Variants in PTPRE observed in about 807,000 individuals in gnomAD.
The protein encoded by PTPRE is protein tyrosine phosphatase receptor type E.
A neutral mutation model predicts 102.0 loss-of-function variants in PTPRE; 51 were observed. The ratio of observed to expected loss-of-function variants is 0.50; its 90% CI spans 0.40 to 0.63. The LOEUF is 0.63. Ranked by LOEUF, PTPRE falls within the 30% of genes least tolerant of loss-of-function variation. PTPRE has a pLI of 0.00. For synonymous variants in PTPRE, 345 were observed against 348.2 expected, an observed-to-expected ratio of 0.99 and a Z score of 0.10; for missense variants, 752 against 915.1, an observed-to-expected ratio of 0.82 and a Z score of 2.30.
chr10:128,070,550 C>A lies in PTPRE; in HGVS notation c.1293+100C>A. The A allele has an allele frequency of 1.4e-6, 2 of 1,420,578 alleles. No individual in the cohort carries two copies. Among genetic ancestry groups the A allele is most frequent in the South Asian group, 2.8e-5 (2 of 71,374 alleles). 88.0% of individuals were successfully genotyped at this position (1,420,578 alleles called of 1,614,324 possible). A position where few individuals can be genotyped will look rare whatever the true frequency, so the allele number is the denominator to read the frequency against. On this transcript the variant is annotated intron_variant, in intron 14 of 20. Coordinates refer to ENST00000254667, the MANE Select transcript of PTPRE (RefSeq NM_006504.6). The surrounding 1 kb of genome is among the most constrained non-coding windows in gnomAD (Gnocchi z 4.8). Reference sequence around the variant, plus strand: ...AGGAAGCCTCTTTCAATCACTTGCCCCTTAACTGACCTCAGAAAAAGCAGG... The same window carrying A: ...AGGAAGCCTCTTTCAATCACTTGCCACTTAACTGACCTCAGAAAAAGCAGG...
At chr10:127,958,262 G>A (rs1430916476) in intron 1 of PTPRE, among the ~76,000 whole-genome samples, 3 of 152,130 alleles carry the variant, frequency 2.0e-5, no homozygotes, top group African/African-American at 7.2e-5. Context: ...GGACATCCTT[G>A]CCTCGTTCCT....
intron 1 of PTPRE, among the ~76,000 whole-genome samples, chr10:127,971,805 G>A (rs1050190168): frequency 1.2e-4 from 19 of 152,202 alleles, no homozygotes; most frequent in Admixed American, 1.0e-3. Context: ...CCCTCAGGCC[G>A]GTCAGATGTT....
At chr10:127,945,823 A>T (rs569519278) in intron 1 of PTPRE, among the ~76,000 whole-genome samples, 17 of 152,234 alleles carry the variant, frequency 1.1e-4, no homozygotes, top group African/African-American at 4.1e-4. Flanking sequence ...TCTCTGTTTT[A>T]TCCTTCATCG....
At chr10:128,014,439 G>A (rs1031960292) in intron 2 of PTPRE, among the ~76,000 whole-genome samples, 5 of 152,074 alleles carry the variant, frequency 3.3e-5, no homozygotes, top group Admixed American at 6.6e-5. Context: ...GGCGTGTATC[G>A]AGGGGGACAT....
At chr10:127,979,728 T>C (rs1851460059) in intron 1 of PTPRE, among the ~76,000 whole-genome samples, 2 of 152,194 alleles carry the variant, frequency 1.3e-5, no homozygotes. Context: ...TTGTGTTTGA[T>C]TGGGGTTGTC....
chr10:128,018,697 C>T (rs1036280089), intron 2 of PTPRE, among the ~76,000 whole-genome samples: 4 of 152,114 alleles, frequency 2.6e-5, no homozygotes, highest in East Asian at 1.9e-4. Flanking sequence ...AAGCTGCTCC[C>T]GGCCAGTTCT....
intron 2 of PTPRE, among the ~76,000 whole-genome samples, chr10:127,996,225 C>T (rs545991324): frequency 6.6e-6 from 1 of 152,352 alleles, no homozygotes; most frequent in African/African-American, 2.4e-5. Flanking sequence ...CAACACGTAA[C>T]TTTACCTATG....
intron 1 of PTPRE, among the ~76,000 whole-genome samples, chr10:127,963,330 CTCCCTACAGGATGCCT>C (rs1215070375): frequency 6.6e-6 from 1 of 152,198 alleles, no homozygotes; most frequent in East Asian, 1.9e-4. Context: ...GCCAAGGCCA[CTCCCTACAGGATGCCT>C]TCCCTGACTG....
At chr10:127,969,653 C>T (rs560888846) in intron 1 of PTPRE, among the ~76,000 whole-genome samples, 15 of 131,178 alleles carry the variant, frequency 1.1e-4, no homozygotes, top group Admixed American at 5.6e-4. Context: ...GGCAACAGAG[C>T]GATACTCTGC....
intron 3 of PTPRE, among the ~76,000 whole-genome samples, chr10:128,046,624 G>A (rs570840434): frequency 2.6e-5 from 4 of 152,280 alleles, no homozygotes; most frequent in Admixed American, 2.0e-4. Flanking sequence ...AGGGGGCTGT[G>A]TGGCCAGCGG....
intron 1 of PTPRE, among the ~76,000 whole-genome samples, chr10:127,923,789 T>A (rs1011401602): frequency 1.3e-5 from 2 of 152,170 alleles, no homozygotes; most frequent in Admixed American, 1.3e-4. Context: ...CCACATGCAG[T>A]TTACTTCCGG....
chr10:128,033,194 A>G (rs4326706), intron 2 of PTPRE, among the ~76,000 whole-genome samples: 86,535 of 152,036 alleles, frequency 0.57, 24,735 homozygotes, highest in East Asian at 0.62. Flanking sequence ...CTAACAAAGC[A>G]TGACTTTTCA....
intron 2 of PTPRE, among the ~76,000 whole-genome samples, chr10:128,027,879 G>T (rs567753456): frequency 6.6e-6 from 1 of 152,208 alleles, no homozygotes; most frequent in African/African-American, 2.4e-5. Flanking sequence ...GCTGAAAGAG[G>T]GCAGGTGACA....
chr10:127,962,133 G>T (rs1392788458), intron 1 of PTPRE, among the ~76,000 whole-genome samples: 1 of 152,160 alleles, frequency 6.6e-6, no homozygotes, highest in Non-Finnish European at 1.5e-5. Flanking sequence ...CTTTGCCAGG[G>T]CCCAGAGGTT....
At chr10:128,001,818 C>T (rs1483671145) in intron 2 of PTPRE, among the ~76,000 whole-genome samples, 3 of 152,186 alleles carry the variant, frequency 2.0e-5, no homozygotes, top group Admixed American at 6.5e-5. Context: ...GCTGGGCAAA[C>T]GTAAGAAAGC....
rs1850648918 is a variant in PTPRE, at chr10:128,070,237, G to T, written c.1144-64G>T. The T allele has an allele frequency of 2.0e-6, 3 of 1,518,896 alleles. No homozygotes were observed. The allele number at this position is 1,518,896 out of a possible 1,614,324, so 94.1% of individuals were successfully genotyped here. ...AAAGCCGCCCTCTTTGGTCTGCCAA[G>T]CTCCACGTGGGCCAAGACTGCAGGG... On this transcript the variant is annotated intron_variant, in intron 13 of 20. Transcript: ENST00000254667. This position sits in a 1 kb window ranked among gnomAD's most constrained non-coding sequence, Gnocchi z 4.8.
At chr10:127,926,122 G>A (rs924613361) in intron 1 of PTPRE, among the ~76,000 whole-genome samples, 3 of 152,172 alleles carry the variant, frequency 2.0e-5, no homozygotes, top group African/African-American at 4.8e-5. Context: ...AGTCTATTGT[G>A]TTTTCTCAAG....
At chr10:128,023,019 C>G (rs922611913) in intron 2 of PTPRE, among the ~76,000 whole-genome samples, 1 of 152,184 alleles carries the variant, frequency 6.6e-6, no homozygotes, top group Non-Finnish European at 1.5e-5. Context: ...GCTACAGTGG[C>G]CCCCGTCCGT....
In PTPRE at chr10:127,964,204, CTG is replaced by C. The variant is rs567783346; in HGVS notation, c.-30-18068_-30-18067del. Among the ~76,000 whole-genome samples the C allele has an allele frequency of 9.5e-4, 145 of 152,276 alleles. 1 individual carries two copies. The highest frequency in any genetic ancestry group is 3.4e-3 in the African/African-American group (140 of 41,542). On this transcript the variant is annotated intron_variant, in intron 1 of 20. Coordinates refer to ENST00000254667, the MANE Select transcript of PTPRE (RefSeq NM_006504.6). ...TTTATTTTTGAGACAGAGTCTTGCT[CTG>C]TTGCCCAGGCTGGAGTGCATTGGCA...
Sources: allele counts gnomAD v4.1 joint callset (sites outside exome capture counted in the v4.1 genomes callset), GRCh38; gene constraint gnomAD v4.1.1; non-coding constraint Gnocchi (gnomAD v3.1); transcripts MANE v1.5; gene names NCBI Gene and HGNC (gene_info 2026-07-23, HGNC 2026-07-21).